Variants in SLC36A1 observed in about 807,000 individuals in gnomAD.
The protein encoded by SLC36A1 is solute carrier family 36 member 1, also known as proton-coupled amino acid transporter 1.
SLC36A1 carries 30 observed loss-of-function variants against 47.5 expected under a neutral mutation model. That is an observed-to-expected ratio of 0.63 (90% CI 0.47 to 0.86). The LOEUF (loss-of-function observed/expected upper bound fraction) is 0.86. SLC36A1 is among the 40% of genes least tolerant of loss of function. The pLI is 0.00. For synonymous variants in SLC36A1, 255 were observed against 249.7 expected (o/e 1.02, Z -0.20); for missense variants, 517 against 606.0 (o/e 0.85, Z 1.54).
At chr5:151,538,886 A>G in the SLC36A1 span, among the ~76,000 whole-genome samples, 1 of 150,306 alleles carries the variant, frequency 6.7e-6, no homozygotes, top group African/African-American at 2.5e-5. Context: ...GGGTTTCACC[A>G]TGTTGGCCAG....
the SLC36A1 span, among the ~76,000 whole-genome samples, chr5:151,508,657 C>T: frequency 2.0e-5 from 3 of 151,798 alleles, no homozygotes; most frequent in Non-Finnish European, 4.4e-5. Flanking sequence ...TTGCAGTGAG[C>T]CGAGATTGTG....
At chr5:151,433,402 G>A (rs1199417509), upstream of SLC36A1, among the ~76,000 whole-genome samples, 1 of 140,906 alleles carries the variant, frequency 7.1e-6, no homozygotes, top group Non-Finnish European at 1.5e-5. Context: ...TCCTGCCTCA[G>A]CCTCCCAAGT....
intron 1 of SLC36A1, among the ~76,000 whole-genome samples, chr5:151,458,364 C>CACATAT (rs57654042): frequency 7.2e-6 from 1 of 139,456 alleles, no homozygotes; most frequent in African/African-American, 2.9e-5. Flanking sequence ...TATACACACA[C>CACATAT]GATTGAACTA....
the SLC36A1 span, among the ~76,000 whole-genome samples, chr5:151,391,271 C>T: frequency 2.0e-5 from 3 of 152,194 alleles, no homozygotes; most frequent in Non-Finnish European, 4.4e-5. Flanking sequence ...TGAGACTTTG[C>T]TGAAGTTGCT....
At chr5:151,515,136 C>T in the SLC36A1 span, among the ~76,000 whole-genome samples, 1 of 152,130 alleles carries the variant, frequency 6.6e-6, no homozygotes, top group African/African-American at 2.4e-5. Context: ...AATCACTTCC[C>T]ATCTTACTGG....
chr5:151,443,311 G>A (rs772007851), upstream of SLC36A1, among the ~76,000 whole-genome samples: 5 of 152,080 alleles, frequency 3.3e-5, no homozygotes, highest in East Asian at 1.9e-4. Flanking sequence ...CCCTTTTCTC[G>A]ACATCCTCAC....
the SLC36A1 span, among the ~76,000 whole-genome samples, chr5:151,534,004 A>G: frequency 6.6e-6 from 1 of 152,210 alleles, no homozygotes; most frequent in Non-Finnish European, 1.5e-5. Flanking sequence ...AAATTGATCA[A>G]GGAATTTAAT....
chr5:151,506,654 C>A, the SLC36A1 span, among the ~76,000 whole-genome samples: 1 of 152,310 alleles, frequency 6.6e-6, no homozygotes, highest in Admixed American at 6.5e-5. Context: ...GTGAAAATAC[C>A]TATCATAACT....
At chr5:151,430,225 C>T in the SLC36A1 span, among the ~76,000 whole-genome samples, 2 of 149,712 alleles carry the variant, frequency 1.3e-5, no homozygotes, top group Admixed American at 6.7e-5. Context: ...AGTGCAGGGG[C>T]ATGATCTTGA....
chr5:151,468,245 C>T (rs1581150257), intron 7 of SLC36A1, among the ~76,000 whole-genome samples: 1 of 49,780 alleles, frequency 2.0e-5, no homozygotes, highest in Non-Finnish European at 3.4e-5. Context: ...GAGCAAGACT[C>T]TGTCTCAAAA....
the SLC36A1 span, chr5:151,504,889 T>C: frequency 0.15 from 22,560 of 152,392 alleles, 2,034 homozygotes; most frequent in Non-Finnish European, 0.21. Flanking sequence ...GGCTGAGGAG[T>C]GGGACCTCTG....
chr5:151,545,686 T>G, the SLC36A1 span: 2 of 1,614,076 alleles, frequency 1.2e-6, no homozygotes, highest in African/African-American at 2.7e-5. Context: ...GGGATCAATT[T>G]TGAAAAACTT....
the SLC36A1 span, among the ~76,000 whole-genome samples, chr5:151,414,051 T>TACA: frequency 3.3e-5 from 5 of 152,206 alleles, no homozygotes; most frequent in African/African-American, 1.2e-4. Context: ...GTACTTACTT[T>TACA]GTTATAAGAG....
chr5:151,353,827 A>G, the SLC36A1 span, among the ~76,000 whole-genome samples: 1 of 152,200 alleles, frequency 6.6e-6, no homozygotes, highest in Non-Finnish European at 1.5e-5. Context: ...CCGTAGCCTT[A>G]CAGATTGTCT....
In SLC36A1 at chr5:151,458,856, G is replaced by C. The variant is rs749397330; in HGVS notation, c.64G>C (p.Glu22Gln). 1 of 1,614,118 alleles carries C rather than the reference G, an allele frequency of 6.2e-7. No homozygotes were observed. The highest frequency in any genetic ancestry group is 1.7e-5 in the Admixed American group (1 of 60,022). ...HDYSSTDVSP[E>Q]ESPSEGLNNL... ...CTACAGCTCCACGGACGTGAGCCCT[G>C]AGGAGAGCCCGTCGGAAGGCCTCAA... is the stretch of plus-strand genomic sequence containing the variant. Residue 22 changes from glutamate (E) to glutamine (Q), a missense_variant, in exon 2 of 11, where the codon GAG (glutamate) becomes CAG (glutamine). Glu to Gln is a conservative substitution (Grantham distance 29). Transcript: ENST00000243389.
chr5:151,409,309 G>C, the SLC36A1 span, among the ~76,000 whole-genome samples: 11 of 152,120 alleles, frequency 7.2e-5, no homozygotes, highest in Non-Finnish European at 1.0e-4. Flanking sequence ...GGTTGGGGTG[G>C]GGGGGATAGA....
At chr5:151,381,683 G>T in the SLC36A1 span, among the ~76,000 whole-genome samples, 2 of 152,134 alleles carry the variant, frequency 1.3e-5, no homozygotes, top group African/African-American at 4.8e-5. Context: ...TGATAAACTG[G>T]CTTGTCTGAT....
intron 1 of SLC36A1, among the ~76,000 whole-genome samples, chr5:151,438,553 C>G (rs1759913718): frequency 6.6e-6 from 1 of 152,188 alleles, no homozygotes; most frequent in Non-Finnish European, 1.5e-5. Context: ...AAAGCTTGTT[C>G]TTTTGTTGAG....
rs150947305 is a variant in SLC36A1 at position 151,458,866 on chromosome 5, C to T, written c.74C>T (p.Pro25Leu). 4.0e-5 allele frequency: 65 copies of T among 1,614,060 alleles called. No homozygotes were observed. The highest frequency in any genetic ancestry group is 1.9e-4 in the African/African-American group (14 of 75,042). ...SSTDVSPEES[P>L]SEGLNNLSSP... ...ACGGACGTGAGCCCTGAGGAGAGCC[C>T]GTCGGAAGGCCTCAACAACCTCTCC... is the stretch of plus-strand genomic sequence containing the variant. The change falls in exon 2 of 11, where the codon CCG becomes CTG. Residue 25 changes from proline to leucine, a missense_variant. By Grantham distance (98) the Pro-to-Leu change is moderately conservative. Coordinates refer to ENST00000243389, the MANE Select transcript of SLC36A1 (RefSeq NM_078483.4).
Sources: gnomAD v4.1 joint callset for allele counts (sites outside exome capture counted in the v4.1 genomes callset) on GRCh38, gnomAD v4.1.1 for gene constraint, MANE v1.5 for transcripts, NCBI Gene and HGNC (gene_info 2026-07-23, HGNC 2026-07-21) for gene names.